RBL1: variants seen among roughly 807,000 people sequenced by gnomAD.
RBL1 encodes the protein retinoblastoma-like protein 1.
In RBL1, 82 loss-of-function variants were observed where a neutral mutation model predicts 123.0. The observed-to-expected ratio is 0.67, with a 90% CI of 0.56 to 0.80. The LOEUF is 0.80. Among genes scored for constraint, RBL1 ranks in the 30% least tolerant of loss-of-function variants. RBL1 has a pLI of 0.00. For synonymous variants in RBL1, 405 were observed against 441.3 expected (o/e 0.92, Z 1.03); for missense variants, 1,171 against 1,299.6 (o/e 0.90, Z 1.52).
At chr20:37,005,889 TC>T (rs2064062878) in intron 20 of RBL1, among the ~76,000 whole-genome samples, 1 of 124,338 alleles carries the variant, frequency 8.0e-6, no homozygotes, top group Non-Finnish European at 1.6e-5. Flanking sequence ...TTTTTTTTTT[TC>T]TTTCTTTTTT....
chr20:37,083,028 A>G (rs753254050), intron 2 of RBL1, among the ~76,000 whole-genome samples: 12 of 152,286 alleles, frequency 7.9e-5, no homozygotes, highest in Non-Finnish European at 1.8e-4. Context: ...TAAAAAAATT[A>G]TATTTAAGTT....
At chr20:37,044,014 T>C in intron 13 of RBL1, 72 bp downstream of exon 13, 1 of 1,300,800 alleles carries the variant, frequency 7.7e-7, no homozygotes, top group Non-Finnish European at 1.0e-6. Flanking sequence ...GGTATAGGAA[T>C]TATCTCTCAA....
chr20:37,053,349 C>G (rs997261304), intron 11 of RBL1, among the ~76,000 whole-genome samples: 1 of 152,186 alleles, frequency 6.6e-6, no homozygotes, highest in Non-Finnish European at 1.5e-5. Flanking sequence ...TGCATGAGTT[C>G]TCTCTGGGTA....
chr20:37,056,180 A>G lies in RBL1; in HGVS notation c.1329T>C (p.Thr443=). Reference sequence around the variant, plus strand: ...ATCCTGGCTGTTCATCTGTTGATTGAGTATAGTGTTGACAGAAAGTCTCTC... The same window carrying G: ...ATCCTGGCTGTTCATCTGTTGATTGGGTATAGTGTTGACAGAAAGTCTCTC... The part of the protein sequence containing the change: ...GIGETFCQHY[T]QSTDEQPGSH... The change falls in exon 10 of 22, where the codon ACT becomes ACC. Residue 443 remains threonine, a synonymous_variant. Transcript: ENST00000373664. 1 of 1,610,578 alleles carries G rather than the reference A, an allele frequency of 6.2e-7. No individual in the cohort carries two copies. Among genetic ancestry groups the G allele is most frequent in the Non-Finnish European group, 8.5e-7 (1 of 1,179,566 alleles).
At chr20:36,999,606 C>T (rs1276367200) in intron 21 of RBL1, among the ~76,000 whole-genome samples, 1 of 152,018 alleles carries the variant, frequency 6.6e-6, no homozygotes, top group Non-Finnish European at 1.5e-5. Flanking sequence ...ATTCTCCTGC[C>T]TCAGCCTGCC....
chr20:37,001,697 A>G (rs1224801139), intron 21 of RBL1, among the ~76,000 whole-genome samples: 2 of 142,378 alleles, frequency 1.4e-5, no homozygotes, highest in Admixed American at 7.3e-5. Context: ...TCCCTCCACT[A>G]TTGTCCTGTG....
Position 37,067,132 on chromosome 20 carries a change from G to GAAAAAAAAAAAAAAAAAA in RBL1, c.557-12_557-11insTTTTTTTTTTTTTTTTTT. On this transcript the variant is annotated splice_polypyrimidine_tract_variant and intron_variant, in intron 4 of 21. Coordinates refer to ENST00000373664, the MANE Select transcript of RBL1 (RefSeq NM_002895.5). ...TCATCCGAAAATTACCTTTATAAGG[G>GAAAAAAAAAAAAAAAAAA]AAAAAAAAAAAAAAAAGACACAAAA... The GAAAAAAAAAAAAAAAAAA allele has an allele frequency of 7.0e-7, 1 of 1,424,330 alleles. No homozygotes were observed. Among genetic ancestry groups the GAAAAAAAAAAAAAAAAAA allele is most frequent in the Middle Eastern group, 1.9e-4 (1 of 5,274 alleles). 88.2% of individuals were successfully genotyped at this position (1,424,330 alleles called of 1,614,324 possible).
At chr20:37,014,079 TTCTC>T (rs1299878350) in intron 19 of RBL1, among the ~76,000 whole-genome samples, 5 of 151,002 alleles carry the variant, frequency 3.3e-5, no homozygotes, top group African/African-American at 7.4e-5. Context: ...CTACATAACT[TTCTC>T]TCTTTTTTTT....
chr20:36,996,667 G>A lies in RBL1; in HGVS notation c.*2092C>T, dbSNP rs1006513493. ...TTGCCCAGGTTAGTCTTGAACTCCT[G>A]GACTGAAGCAATCCTCCTGCCTCAG... On this transcript the variant is annotated 3_prime_UTR_variant, in exon 22 of 22. Coordinates refer to ENST00000373664, the MANE Select transcript of RBL1 (RefSeq NM_002895.5). 4 of 152,172 alleles carry A rather than the reference G, an allele frequency of 2.6e-5. No individual in the cohort carries two copies. Among genetic ancestry groups the A allele is most frequent in the African/African-American group, 9.7e-5 (4 of 41,412 alleles). The allele number at this position is 152,172 out of a possible 1,614,324, so 9.4% of individuals were successfully genotyped here. A position where few individuals can be genotyped will look rare whatever the true frequency, so the allele number is the denominator to read the frequency against.
chr20:37,044,322 T>C (rs2064782127), intron 12 of RBL1, 72 bp from the exon 13 acceptor site: 2 of 1,422,628 alleles, frequency 1.4e-6, no homozygotes, highest in Non-Finnish European at 1.9e-6. Context: ...CATGTAGGAC[T>C]AGCTGTGGCT....
intron 9 of RBL1, among the ~76,000 whole-genome samples, chr20:37,057,286 C>G (rs1817155134): frequency 6.6e-6 from 1 of 152,134 alleles, no homozygotes; most frequent in African/African-American, 2.4e-5. Context: ...TACTGTTTTC[C>G]ATAGTGGCTG....
At chr20:37,012,383 A>G (rs1468535012) in intron 19 of RBL1, among the ~76,000 whole-genome samples, 4 of 146,212 alleles carry the variant, frequency 2.7e-5, no homozygotes, top group Non-Finnish European at 4.5e-5. Flanking sequence ...AATGAGGAGC[A>G]TCTCTGCCCG....
chr20:37,027,294 G>A (rs1396113025), intron 16 of RBL1, among the ~76,000 whole-genome samples: 1 of 152,120 alleles, frequency 6.6e-6, no homozygotes. Flanking sequence ...AGACATGATC[G>A]TGCCTATGCA....
intron 2 of RBL1, among the ~76,000 whole-genome samples, chr20:37,068,523 A>C (rs954485158): frequency 7.1e-4 from 105 of 147,224 alleles, no homozygotes; most frequent in African/African-American, 2.3e-3. Flanking sequence ...TCAAGCCTAA[A>C]TTTAATTAAA....
chr20:37,072,426 G>A (rs183248864), intron 2 of RBL1, among the ~76,000 whole-genome samples: 10 of 152,112 alleles, frequency 6.6e-5, no homozygotes, highest in Non-Finnish European at 1.2e-4. Context: ...TGGAAGTTGC[G>A]GGGAGGCGGA....
chr20:37,000,030 C>G, intron 21 of RBL1, among the ~76,000 whole-genome samples: 1 of 151,360 alleles, frequency 6.6e-6, no homozygotes, highest in East Asian at 2.0e-4. Flanking sequence ...CGGCCGCCAT[C>G]CCATCTAGGA....
At chr20:37,081,172 G>C (rs940254144) in intron 2 of RBL1, among the ~76,000 whole-genome samples, 2 of 152,242 alleles carry the variant, frequency 1.3e-5, no homozygotes, top group East Asian at 3.9e-4. Context: ...CTTCTCTCTT[G>C]TTTAAAATTC....
intron 16 of RBL1, among the ~76,000 whole-genome samples, chr20:37,025,445 G>A (rs918033309): frequency 3.3e-5 from 5 of 152,036 alleles, no homozygotes; most frequent in African/African-American, 9.7e-5. Context: ...GCTTGAGCCC[G>A]GGAGGTTGAG....
intron 16 of RBL1, among the ~76,000 whole-genome samples, chr20:37,029,262 G>A (rs2064468569): frequency 1.3e-5 from 2 of 152,044 alleles, no homozygotes. Context: ...TCTTCCAGGA[G>A]CCCCTGCATA....
Sources: allele counts gnomAD v4.1 joint callset (sites outside exome capture counted in the v4.1 genomes callset), GRCh38; gene constraint gnomAD v4.1.1; transcripts MANE v1.5; gene names NCBI Gene and HGNC (gene_info 2026-07-23, HGNC 2026-07-21).